The following KCP variants were observed in gnomAD, a reference collection of about 807,000 sequenced individuals.
KCP encodes the protein kielin cysteine rich BMP regulator.
In KCP, 194 loss-of-function variants were observed where a neutral mutation model predicts 212.7. The observed-to-expected ratio is 0.91, with a 90% CI of 0.81 to 1.03. The LOEUF (loss-of-function observed/expected upper bound fraction) is 1.03. Among genes scored for constraint, KCP ranks in the 50% least tolerant of loss-of-function variants. KCP has a pLI of 0.00. For missense variants in KCP, 2,080 were observed against 2,162.5 expected (o/e 0.96, Z 0.76); for synonymous variants, 833 against 865.3 (o/e 0.96, Z 0.65).
At chr7:128,908,394 C>T (rs1485278600) in intron 2 of KCP, 32 bp downstream of exon 2, 1 of 1,538,796 alleles carries the variant, frequency 6.5e-7, no homozygotes, top group Admixed American at 2.0e-5. Context: ...GCCCTCCTTA[C>T]CCAATGCAAA....
In KCP at chr7:128,877,541, C is replaced by G; in HGVS notation, c.4561G>C (p.Ala1521Pro). The G allele has an allele frequency of 6.4e-7, 1 of 1,551,428 alleles. No individual in the cohort carries two copies. The highest frequency in any genetic ancestry group is 2.0e-5 in the Admixed American group (1 of 51,010). ...ACTCCTGCCTGGCGACAGTGACTGG[C>G]GTAGGCTTCCAGGGCATCACAGAGG... ...ACLCDALEAY[A>P]SHCRQAGVTP... Residue 1521 changes from alanine (A) to proline (P), a missense_variant, in exon 39 of 40, where the codon GCC becomes CCC. Physicochemically the swap from Ala to Pro is conservative, Grantham distance 27. Coordinates refer to ENST00000610776, the MANE Select transcript of KCP (RefSeq NM_001366122.1).
In KCP at chr7:128,893,534, C is replaced by T. The variant is rs573752618; in HGVS notation, c.1100-58G>A. ...GGCTGGAGGCAGAGGGGAAGCTTCA[C>T]GTCACCCTGAGGTGTCCAACCCCCA... On this transcript the variant is annotated intron_variant, in intron 11 of 39. Coordinates refer to ENST00000610776, the MANE Select transcript of KCP (RefSeq NM_001366122.1). The T allele has an allele frequency of 7.5e-6, 10 of 1,332,932 alleles. No individual in the cohort carries two copies. The East Asian group carries it at 7.5e-5, about 10-fold the overall frequency. 82.6% of individuals were successfully genotyped at this position (1,332,932 alleles called of 1,614,324 possible). A position where few individuals can be genotyped will look rare whatever the true frequency, so the allele number is the denominator to read the frequency against.
Position 128,877,630 on chromosome 7 carries a change from G to A in KCP, c.4472C>T (p.Pro1491Leu). 1 of 1,551,660 alleles carries A rather than the reference G, an allele frequency of 6.4e-7. No homozygotes were observed. Among genetic ancestry groups the A allele is most frequent in the South Asian group, 1.2e-5 (1 of 84,064 alleles). The stretch of plus-strand genomic sequence containing the variant: ...GTCATACACACAGGCGGCAAAGAAG[G>A]GCTCCGGTGGCACCACAGCATGGCA... Reference protein sequence around the residue: ...SRCHAVVPPEPFFAACVYDLC... With the variant: ...SRCHAVVPPELFFAACVYDLC... Residue 1491 changes from proline (P) to leucine (L), a missense_variant, in exon 39 of 40, where the codon CCC becomes CTC. Physicochemically the swap from Pro to Leu is moderately conservative, Grantham distance 98. Transcript: ENST00000610776.
chr7:128,882,739 T>C (rs542357205), intron 29 of KCP, among the ~76,000 whole-genome samples: 1 of 149,482 alleles, frequency 6.7e-6, no homozygotes. Context: ...TACATTTTAG[T>C]GTCTTACCAC....
chr7:128,884,238 G>A, intron 28 of KCP, 116 bp from the exon 29 acceptor site: 1 of 1,331,230 alleles, frequency 7.5e-7, no homozygotes. Flanking sequence ...GACATGTCTT[G>A]GGCCCTGAAC....
chr7:128,890,446 G>T lies in KCP; in HGVS notation c.2232C>A (p.His744Gln). 2 of 1,551,142 alleles carry T rather than the reference G, an allele frequency of 1.3e-6. No individual in the cohort carries two copies. The highest frequency in any genetic ancestry group is 1.7e-6 in the Non-Finnish European group (2 of 1,146,980). The change falls in exon 21 of 40, where the codon CAC becomes CAA. Residue 744 changes from histidine to glutamine, a missense_variant. Coordinates refer to ENST00000610776, the MANE Select transcript of KCP (RefSeq NM_001366122.1). ...ERFPSPTAAC[H>Q]LCLCWEGSVS... The stretch of plus-strand genomic sequence containing the variant: ...CGCTGCCCTCCCAGCAAAGGCAGAG[G>T]TGGCAGGCAGCAGTGGGCGATGGGA...
rs750236986 is a variant in KCP at position 128,884,032 on chromosome 7, CA to C, written c.3213del (p.Gln1074SerfsTer11). 1 of 1,548,184 alleles carries C rather than the reference CA, an allele frequency of 6.5e-7. No individual in the cohort carries two copies. Among genetic ancestry groups the C allele is most frequent in the South Asian group, 1.2e-5 (1 of 83,918 alleles). The part of the protein sequence containing the change: ...VGCPPSQLLP[P>X]GPQHCCPTCA... ...CAGGTGGGACAGCAGTGCTGGGGCC[CA>C]GGGGGCAGGAGCTGGCTGGGGGGGC... On this transcript the variant is annotated frameshift_variant, in exon 29 of 40. Transcript: ENST00000610776. LOFTEE classifies it high-confidence loss of function.
At chr7:128,888,565 CACAT>C (rs1410767623) in intron 22 of KCP, among the ~76,000 whole-genome samples, 1 of 151,724 alleles carries the variant, frequency 6.6e-6, no homozygotes, top group Admixed American at 6.6e-5. Context: ...TACATACACA[CACAT>C]ATACACACGG....
At chr7:128,886,618 C>G in intron 25 of KCP, 37 bp downstream of exon 25, 1 of 1,550,934 alleles carries the variant, frequency 6.4e-7, no homozygotes, top group Non-Finnish European at 8.7e-7. Context: ...GTGCTATGGT[C>G]CAGCTGTCAC....
Position 128,879,707 on chromosome 7 carries a change from G to A in KCP, c.4044+11C>T. Reference sequence around the variant, plus strand: ...AGGATCCACCTTCCTCCACTCCTCGGCTTTGCTCACCGTGACTGCCCCGTC... The same window carrying A: ...AGGATCCACCTTCCTCCACTCCTCGACTTTGCTCACCGTGACTGCCCCGTC... On this transcript the variant is annotated intron_variant, in intron 36 of 39. Coordinates refer to ENST00000610776, the MANE Select transcript of KCP (RefSeq NM_001366122.1). 6.5e-7 allele frequency: 1 copy of A among 1,549,912 alleles called. No individual in the cohort carries two copies. Among genetic ancestry groups the A allele is most frequent in the Non-Finnish European group, 8.7e-7 (1 of 1,146,818 alleles).
intron 8 of KCP, among the ~76,000 whole-genome samples, chr7:128,898,848 A>C (rs1585241662): frequency 6.6e-6 from 1 of 152,232 alleles, no homozygotes. Context: ...TTTTTCTGTA[A>C]ATTGAGCATT....
chr7:128,910,539 G>A lies in KCP; in HGVS notation c.76+62C>T, dbSNP rs138161694. On this transcript the variant is annotated intron_variant, in intron 1 of 39. Transcript: ENST00000610776. The stretch of plus-strand genomic sequence containing the variant: ...CAGCCCCTCTCGGCCCCCTCAGGCC[G>A]GGCTGATAGGAGGGAGGGGGCGCAC... 6.3e-6 allele frequency: 9 copies of A among 1,429,238 alleles called. No homozygotes were observed. The South Asian group carries it at 1.0e-4, about 17-fold the overall frequency. The allele number at this position is 1,429,238 out of a possible 1,614,324, so 88.5% of individuals were successfully genotyped here. A position where few individuals can be genotyped will look rare whatever the true frequency, so the allele number is the denominator to read the frequency against.
chr7:128,877,060 G>T lies in KCP; in HGVS notation c.4870C>A (p.Pro1624Thr). ...LGARPSPSREPQETP is the reference protein window; with the variant it reads ...LGARPSPSRETQETP Reference sequence around the variant, plus strand: ...GTCCTGGCTCAGGGTGTCTCCTGGGGCTCCCGGCTGGGGCTGGGCCGAGCA... The same window carrying T: ...GTCCTGGCTCAGGGTGTCTCCTGGGTCTCCCGGCTGGGGCTGGGCCGAGCA... The change falls in exon 40 of 40, where the codon CCC becomes ACC. Residue 1624 changes from proline to threonine, a missense_variant. Physicochemically the swap from Pro to Thr is conservative, Grantham distance 38. Coordinates refer to ENST00000610776, the MANE Select transcript of KCP (RefSeq NM_001366122.1). 2 of 1,529,136 alleles carry T rather than the reference G, an allele frequency of 1.3e-6. No homozygotes were observed. The highest frequency in any genetic ancestry group is 1.8e-6 in the Non-Finnish European group (2 of 1,141,316). The allele number at this position is 1,529,136 out of a possible 1,614,324, so 94.7% of individuals were successfully genotyped here.
At position 128,886,895 on chromosome 7, in the gene KCP, G is replaced by T; in HGVS notation, c.2670C>A (p.Cys890Ter). ...GCTCACTGTGGCAAACAGGGCAGAA[G>T]CAGGGGCCTGGAGAGGGGTGGGGGC... ...ALCPHPSPGPCFCPVCHSCLS... is the reference protein window; with the variant it reads ...ALCPHPSPGP Residue 890 changes from cysteine to a stop codon, truncating the protein, a stop_gained, in exon 24 of 40, where the codon TGC becomes TGA. Coordinates refer to ENST00000610776, the MANE Select transcript of KCP (RefSeq NM_001366122.1). LOFTEE classifies it high-confidence loss of function. The T allele has an allele frequency of 2.0e-6, 3 of 1,531,638 alleles. No homozygotes were observed. The highest frequency in any genetic ancestry group is 2.6e-6 in the Non-Finnish European group (3 of 1,134,870). 94.9% of individuals were successfully genotyped at this position (1,531,638 alleles called of 1,614,324 possible). A position where few individuals can be genotyped will look rare whatever the true frequency, so the allele number is the denominator to read the frequency against.
Position 128,906,334 on chromosome 7 carries a change from T to A in KCP, c.516A>T (p.Pro172=), listed in dbSNP as rs1407787876. 1 of 1,550,276 alleles carries A rather than the reference T, an allele frequency of 6.5e-7. No individual in the cohort carries two copies. Among genetic ancestry groups the A allele is most frequent in the East Asian group, 2.4e-5 (1 of 40,924 alleles). ...LEGTITCNQK[P]CPRGPCPEPG... ...GCTCAGGGCAGGGTCCTCTTGGGCA[T>A]GGCTTCTGGTTGCAAGTGATGGTAC... The change falls in exon 5 of 40, where the codon CCA becomes CCT. Residue 172 remains proline, a synonymous_variant. Transcript: ENST00000610776.
chr7:128,904,224 G>A, intron 5 of KCP, 86 bp from the exon 6 acceptor site: 2 of 1,514,718 alleles, frequency 1.3e-6, no homozygotes, highest in Non-Finnish European at 9.0e-7. Flanking sequence ...CCCCAAGTAG[G>A]TACTGGACCC....
chr7:128,908,457 A>G lies in KCP; in HGVS notation c.188T>C (p.Leu63Pro). 2 of 1,551,256 alleles carry G rather than the reference A, an allele frequency of 1.3e-6. No individual in the cohort carries two copies. Among genetic ancestry groups the G allele is most frequent in the African/African-American group, 1.4e-5 (1 of 73,106 alleles). ...TCTGAGCTCCATCACTGCAGCCTCC[A>G]GTCGCCCCAGCCACTCTCGCAGGGG... Reference protein sequence around the residue: ...WHPLREWLGRLEAAVMELREQ... With the variant: ...WHPLREWLGRPEAAVMELREQ... The change falls in exon 2 of 40, where the codon CTG (leucine) becomes CCG (proline). Residue 63 changes from leucine (L) to proline (P), a missense_variant. By Grantham distance (98) the Leu-to-Pro change is moderately conservative (BLOSUM62 -3). Transcript: ENST00000610776.
Position 128,891,633 on chromosome 7 carries a change from C to T in KCP, c.1795+13G>A. 1.4e-6 allele frequency: 2 copies of T among 1,479,116 alleles called. No homozygotes were observed. The highest frequency in any genetic ancestry group is 5.0e-5 in the East Asian group (2 of 40,338). 91.6% of individuals were successfully genotyped at this position (1,479,116 alleles called of 1,614,324 possible). On this transcript the variant is annotated intron_variant, in intron 17 of 39. Transcript: ENST00000610776. Reference sequence around the variant, plus strand: ...TCCCATCCCAGAAGGCCGCCCTGACCCGCCCACCTCACCGCTGCAGTCGTT... The same window carrying T: ...TCCCATCCCAGAAGGCCGCCCTGACTCGCCCACCTCACCGCTGCAGTCGTT...
chr7:128,880,524 G>A lies in KCP; in HGVS notation c.3621C>T (p.Pro1207=), dbSNP rs1401461278. ...ADSCCERCQA[P]TQSCVHQGRE... is the part of the protein sequence containing the mutation. ...GGCCCTGGTGCACGCAGGACTGGGT[G>A]GGAGCTGAAGGGATAGGAGCTGGGA... Residue 1207 remains proline (P), a synonymous_variant, in exon 34 of 40, where the codon CCC becomes CCT. Coordinates refer to ENST00000610776, the MANE Select transcript of KCP (RefSeq NM_001366122.1). 8.8e-6 allele frequency: 13 copies of A among 1,479,318 alleles called. No homozygotes were observed. In the Admixed American group the frequency reaches 1.1e-4, roughly 13 times the overall value. 91.6% of individuals were successfully genotyped at this position (1,479,318 alleles called of 1,614,324 possible). A position where few individuals can be genotyped will look rare whatever the true frequency, so the allele number is the denominator to read the frequency against.
Sources: allele counts gnomAD v4.1 joint callset (sites outside exome capture counted in the v4.1 genomes callset), GRCh38; gene constraint gnomAD v4.1.1; transcripts MANE v1.5; gene names NCBI Gene and HGNC (gene_info 2026-07-23, HGNC 2026-07-21).